Variants in PTPRB observed in about 807,000 individuals in gnomAD.
PTPRB encodes receptor-type tyrosine-protein phosphatase beta.
A neutral mutation model predicts 238.1 loss-of-function variants in PTPRB; 97 were observed. The ratio of observed to expected loss-of-function variants is 0.41; its 90% CI spans 0.35 to 0.48. The LOEUF (loss-of-function observed/expected upper bound fraction) is 0.48, where lower values mean the gene tolerates loss of function less well. Ranked by LOEUF, PTPRB falls within the 20% of genes least tolerant of loss-of-function variation. The pLI, the probability that PTPRB is intolerant of heterozygous loss-of-function variation, is 0.30. For synonymous variants in PTPRB, 970 were observed against 995.4 expected (o/e 0.97, Z 0.48); for missense variants, 2,292 against 2,681.9 (o/e 0.85, Z 3.21).
intron 10 of PTPRB, among the ~76,000 whole-genome samples, chr12:70,579,042 C>G (rs144464827): frequency 7.2e-5 from 11 of 152,250 alleles, no homozygotes; most frequent in African/African-American, 2.6e-4. Context: ...TGTATCCCAA[C>G]CAATAGAGGC....
chr12:70,607,280 T>C (rs1037194694), intron 4 of PTPRB, among the ~76,000 whole-genome samples: 2 of 152,234 alleles, frequency 1.3e-5, no homozygotes, highest in Non-Finnish European at 2.9e-5. Context: ...CTCAGCCTGC[T>C]TTTACAAATT....
In PTPRB at chr12:70,519,135, T is replaced by TA. The variant is rs1209429458; in HGVS notation, c.*2353dup. ...AAACATTTCCTGGGTTGGATTAGAC[T>TA]AAAAAAACCTACGATTTTTCCCTGT... On this transcript the variant is annotated 3_prime_UTR_variant, in exon 34 of 34. Coordinates refer to ENST00000334414, the MANE Select transcript of PTPRB (RefSeq NM_001109754.4). 6 of 152,168 alleles carry TA rather than the reference T, an allele frequency of 3.9e-5. No individual in the cohort carries two copies. Among genetic ancestry groups the TA allele is most frequent in the Non-Finnish European group, 7.4e-5 (5 of 68,026 alleles). 9.4% of individuals were successfully genotyped at this position (152,168 alleles called of 1,614,324 possible). A position where few individuals can be genotyped will look rare whatever the true frequency, so the allele number is the denominator to read the frequency against.
chr12:70,576,749 T>C, intron 10 of PTPRB, 104 bp from the exon 11 acceptor site: 1 of 650,418 alleles, frequency 1.5e-6, no homozygotes, highest in Non-Finnish European at 2.7e-6. Flanking sequence ...GCACAAACCG[T>C]GGACTCACTC....
chr12:70,595,204 A>T (rs889817716), intron 5 of PTPRB, among the ~76,000 whole-genome samples: 1 of 152,146 alleles, frequency 6.6e-6, no homozygotes, highest in Non-Finnish European at 1.5e-5. Context: ...AGGAACAGAA[A>T]ACCAAACACT....
chr12:70,559,674 C>T (rs988440030), intron 17 of PTPRB, 50 bp from the exon 18 acceptor site: 1 of 1,500,442 alleles, frequency 6.7e-7, no homozygotes, highest in Non-Finnish European at 9.2e-7. Context: ...TATGCCATAA[C>T]ATATACAAAT....
In PTPRB at chr12:70,592,404, A is replaced by C. The variant is rs1882576887; in HGVS notation, c.1658T>G (p.Val553Gly). 1 of 1,613,714 alleles carries C rather than the reference A, an allele frequency of 6.2e-7. No individual in the cohort carries two copies. The highest frequency in any genetic ancestry group is 1.3e-5 in the African/African-American group (1 of 74,882). Reference protein sequence around the residue: ...SHKGTIKESRVLAPWITETHF... With the variant: ...SHKGTIKESRGLAPWITETHF... ...AGTTTCAGTAATCCAAGGTGCTAATACTCTGGATTCCTTGATGGTCCCTTT... is the reference window on the plus strand; with the variant it reads ...AGTTTCAGTAATCCAAGGTGCTAATCCTCTGGATTCCTTGATGGTCCCTTT... The change falls in exon 7 of 34, where the codon GTA (valine) becomes GGA (glycine). Residue 553 changes from valine to glycine, a missense_variant. Physicochemically the swap from Val to Gly is moderately radical, Grantham distance 109. Coordinates refer to ENST00000334414, the MANE Select transcript of PTPRB (RefSeq NM_001109754.4).
intron 4 of PTPRB, among the ~76,000 whole-genome samples, chr12:70,601,790 C>CTTTTTT (rs200227553): frequency 3.1e-4 from 39 of 127,528 alleles, no homozygotes; most frequent in Non-Finnish European, 4.0e-4. Context: ...TTTCTTTTTT[C>CTTTTTT]TTTTTTTTTT....
At chr12:70,535,194 A>AT (rs1873915358) in intron 29 of PTPRB, among the ~76,000 whole-genome samples, 1 of 109,012 alleles carries the variant, frequency 9.2e-6, no homozygotes, top group Non-Finnish European at 2.0e-5. Flanking sequence ...GGGTTCACTC[A>AT]TTTTTTAGGC....
At chr12:70,571,326 AC>A (rs1231877359) in intron 12 of PTPRB, 37 bp from the exon 13 acceptor site, 3 of 1,532,856 alleles carry the variant, frequency 2.0e-6, no homozygotes, top group Non-Finnish European at 2.7e-6. Context: ...CAGGAAAGGA[AC>A]TGATCAGAGT....
intron 32 of PTPRB, among the ~76,000 whole-genome samples, chr12:70,527,478 A>T (rs1021633872): frequency 6.6e-6 from 1 of 151,586 alleles, no homozygotes; most frequent in African/African-American, 2.4e-5. Flanking sequence ...TGAGGTCCTT[A>T]GTCCTACAAC....
At chr12:70,547,391 A>G (rs1021983418) in intron 21 of PTPRB, among the ~76,000 whole-genome samples, 1 of 152,268 alleles carries the variant, frequency 6.6e-6, no homozygotes, top group African/African-American at 2.4e-5. Flanking sequence ...GCTAACCACC[A>G]TAACACCAAT....
chr12:70,592,217 C>T, intron 7 of PTPRB, 65 bp downstream of exon 7: 1 of 1,602,454 alleles, frequency 6.2e-7, no homozygotes, highest in Non-Finnish European at 8.5e-7. Flanking sequence ...TTATTTTGTC[C>T]TATTTTAAGG....
chr12:70,562,863 A>G lies in PTPRB; in HGVS notation c.4149T>C (p.Ser1383=), dbSNP rs376955656. The G allele has an allele frequency of 6.2e-7, 1 of 1,613,844 alleles. No individual in the cohort carries two copies. The highest frequency in any genetic ancestry group is 8.5e-7 in the Non-Finnish European group (1 of 1,179,874). The change falls in exon 16 of 34, where the codon TCT becomes TCC. Residue 1383 remains serine (S), a synonymous_variant. Coordinates refer to ENST00000334414, the MANE Select transcript of PTPRB (RefSeq NM_001109754.4). ...VTHSGELSNE[S]FIFGRTVPAS... ...TCTTACCTGTTCTACCAAATATGAAAGACTCATTAGACAGCTCCCCACTGT... is the reference window on the plus strand; with the variant it reads ...TCTTACCTGTTCTACCAAATATGAAGGACTCATTAGACAGCTCCCCACTGT...
At position 70,559,422 on chromosome 12, in the gene PTPRB, G is replaced by C; in HGVS notation, c.4635C>G (p.Ser1545=). The change falls in exon 18 of 34, where the codon TCC becomes TCG. Residue 1545 remains serine, a synonymous_variant. Coordinates refer to ENST00000334414, the MANE Select transcript of PTPRB (RefSeq NM_001109754.4). ...TGACAGTCTTGACGTTGAATTGATA[G>C]GATCTCCCTGGACGAAGACCATACA... The part of the protein sequence containing the change: ...RIVYGLRPGR[S]YQFNVKTVSG... The C allele has an allele frequency of 6.2e-7, 1 of 1,613,892 alleles. No homozygotes were observed. The highest frequency in any genetic ancestry group is 8.5e-7 in the Non-Finnish European group (1 of 1,179,800).
chr12:70,559,548 TG>T lies in PTPRB; in HGVS notation c.4508del (p.Pro1503GlnfsTer67), dbSNP rs1878186641. 6.2e-7 allele frequency: 1 copy of T among 1,613,786 alleles called. No homozygotes were observed. The highest frequency in any genetic ancestry group is 1.3e-5 in the African/African-American group (1 of 74,908). On this transcript the variant is annotated frameshift_variant, in exon 18 of 34. Coordinates refer to ENST00000334414, the MANE Select transcript of PTPRB (RefSeq NM_001109754.4). LOFTEE classifies it high-confidence loss of function. ...TSLAITWKGP[P>X]DWTDYNDFEL... ...CAAAGTCGTTGTAGTCTGTCCAGTC[TG>T]GGGGCCCTTTCCACGTGATGGCCAA... is the stretch of plus-strand genomic sequence containing the variant.
chr12:70,625,491 A>G (rs1299299468), intron 2 of PTPRB, among the ~76,000 whole-genome samples: 2 of 152,196 alleles, frequency 1.3e-5, no homozygotes, highest in Non-Finnish European at 2.9e-5. Flanking sequence ...TGGTTACTGA[A>G]GGATTATAAA....
intron 4 of PTPRB, among the ~76,000 whole-genome samples, chr12:70,603,758 C>G (rs933284358): frequency 5.9e-5 from 9 of 152,190 alleles, no homozygotes; most frequent in Non-Finnish European, 8.8e-5. Context: ...TTATACTATC[C>G]CCATTTTGTA....
intron 7 of PTPRB, 116 bp downstream of exon 7, chr12:70,592,166 G>C: frequency 1.4e-6 from 2 of 1,427,738 alleles, no homozygotes; most frequent in South Asian, 2.6e-5. Flanking sequence ...CAGTTACATA[G>C]GCTCCACTTC....
Position 70,517,926 on chromosome 12 carries a change from C to G in PTPRB, c.*3563G>C, listed in dbSNP as rs185806142. 102 of 152,212 alleles carry G rather than the reference C, an allele frequency of 6.7e-4. No homozygotes were observed. Among genetic ancestry groups the G allele is most frequent in the African/African-American group, 2.4e-3 (101 of 41,514 alleles). 9.4% of individuals were successfully genotyped at this position (152,212 alleles called of 1,614,324 possible). A position where few individuals can be genotyped will look rare whatever the true frequency, so the allele number is the denominator to read the frequency against. On this transcript the variant is annotated 3_prime_UTR_variant, in exon 34 of 34. Coordinates refer to ENST00000334414, the MANE Select transcript of PTPRB (RefSeq NM_001109754.4). ...TAAGGAAAATGTTTAACATAAGAAA[C>G]TGGATCCTTAAACAGCAAGGCAAGA...
Sources: gnomAD v4.1 joint callset for allele counts (sites outside exome capture counted in the v4.1 genomes callset) on GRCh38, gnomAD v4.1.1 for gene constraint, MANE v1.5 for transcripts, NCBI Gene and HGNC (gene_info 2026-07-23, HGNC 2026-07-21) for gene names.